The following PIEZO2 variants were observed in gnomAD, a reference collection of about 807,000 sequenced individuals.
PIEZO2 encodes the protein piezo type mechanosensitive ion channel component 2.
Under a neutral mutation model 337.3 loss-of-function variants are expected in PIEZO2, and 172 were observed. That is an observed-to-expected ratio of 0.51 (90% CI 0.45 to 0.58). The LOEUF (loss-of-function observed/expected upper bound fraction) is 0.58. PIEZO2 is among the 20% of genes least tolerant of loss of function. PIEZO2 has a pLI of 0.00. For synonymous variants in PIEZO2, 1,251 were observed against 1,228.5 expected, an observed-to-expected ratio of 1.02 and a Z score of -0.38; for missense variants, 3,028 against 3,391.3, an observed-to-expected ratio of 0.89 and a Z score of 2.66.
chr18:10,938,763 C>G (rs2032543268), intron 3 of PIEZO2, among the ~76,000 whole-genome samples: 1 of 152,166 alleles, frequency 6.6e-6, no homozygotes, highest in South Asian at 2.1e-4. Context: ...AAAGAGATAA[C>G]TAGGTAACAA....
chr18:10,811,933 A>T (rs1169561042), intron 7 of PIEZO2, among the ~76,000 whole-genome samples: 1 of 152,150 alleles, frequency 6.6e-6, no homozygotes, highest in African/African-American at 2.4e-5. Context: ...TCCCGGGTTC[A>T]CACCATTCTC....
intron 11 of PIEZO2, among the ~76,000 whole-genome samples, chr18:10,798,375 C>T (rs146368742): frequency 3.3e-5 from 5 of 152,310 alleles, no homozygotes; most frequent in Non-Finnish European, 4.4e-5. Flanking sequence ...AAATCAGTGA[C>T]TGTGCATACT....
rs2036468931 is a variant in PIEZO2, at chr18:10,724,921, C to A, written c.5029+6486G>T. 6 of 1,607,388 alleles carry A rather than the reference C, an allele frequency of 3.7e-6. No homozygotes were observed. In the Admixed American group the frequency reaches 6.7e-5, roughly 18 times the overall value. On this transcript the variant is annotated intron_variant, in intron 36 of 55. Transcript: ENST00000674853. This position sits in a 1 kb window ranked among gnomAD's most constrained non-coding sequence, Gnocchi z 5.8. ...GCGTGGCACCCTGGGACAGCCTCCACCTGGACGGCGATGGAACCCAGGTGG... is the reference window on the plus strand; with the variant it reads ...GCGTGGCACCCTGGGACAGCCTCCAACTGGACGGCGATGGAACCCAGGTGG...
In PIEZO2 at chr18:10,797,491, T is replaced by TTCTTTC; in HGVS notation, c.1404_1409dup (p.Lys469_Glu470dup). On this transcript the variant is annotated inframe_insertion, in exon 12 of 56. Transcript: ENST00000674853. The stretch of plus-strand genomic sequence containing the variant: ...CACGGCTCCTTTCTTCTTCAAATTC[T>TTCTTTC]TCTTTCTCTTCCTCTTCCTCCTCTC... The TTCTTTC allele has an allele frequency of 6.5e-7, 1 of 1,537,212 alleles. No homozygotes were observed. Among genetic ancestry groups the TTCTTTC allele is most frequent in the East Asian group, 2.4e-5 (1 of 40,886 alleles).
chr18:10,965,306 A>T (rs1568246849), intron 3 of PIEZO2, among the ~76,000 whole-genome samples: 1 of 152,028 alleles, frequency 6.6e-6, no homozygotes, highest in African/African-American at 2.4e-5. Flanking sequence ...GCCACGCTTT[A>T]TTTTTTTGTC....
intron 2 of PIEZO2, among the ~76,000 whole-genome samples, chr18:11,029,944 C>G (rs191563235): frequency 8.3e-4 from 126 of 152,260 alleles, no homozygotes; most frequent in African/African-American, 2.9e-3. Flanking sequence ...ACTGCAAGCT[C>G]TATGATTTGA....
rs180747354 is a variant in PIEZO2 at position 10,915,783 on chromosome 18, C to T, written c.287-4555G>A. On this transcript the variant is annotated intron_variant, in intron 3 of 55. Coordinates refer to ENST00000674853, the MANE Select transcript of PIEZO2 (RefSeq NM_001378183.1). ...TCATCTTGGGAACTGTGTTCTGCGTCCAGAATTGGTGGGTTCTTGGTCTCA... is the reference window on the plus strand; with the variant it reads ...TCATCTTGGGAACTGTGTTCTGCGTTCAGAATTGGTGGGTTCTTGGTCTCA... 8.1e-4 allele frequency among the ~76,000 whole-genome samples: 123 copies of T among 152,238 alleles called. 3 individuals are homozygous for T. Among genetic ancestry groups the T allele is most frequent in the Non-Finnish European group, 1.6e-3 (109 of 68,020 alleles).
intron 3 of PIEZO2, among the ~76,000 whole-genome samples, chr18:10,949,033 G>GTCC (rs2033162010): frequency 6.6e-6 from 1 of 152,128 alleles, no homozygotes. Flanking sequence ...AAATTAGAAA[G>GTCC]TCCTTAAAAG....
intron 2 of PIEZO2, among the ~76,000 whole-genome samples, chr18:11,044,791 C>T (rs1288764399): frequency 6.6e-6 from 1 of 152,106 alleles, no homozygotes; most frequent in African/African-American, 2.4e-5. Context: ...TCCTGTGAGC[C>T]TCTGGTTACA....
chr18:11,057,017 A>G (rs551545824), intron 2 of PIEZO2, among the ~76,000 whole-genome samples: 1 of 152,134 alleles, frequency 6.6e-6, no homozygotes, highest in African/African-American at 2.4e-5. Context: ...CATTGGATCA[A>G]TGGTGGGTAC....
chr18:10,947,821 G>T (rs778054990), intron 3 of PIEZO2, among the ~76,000 whole-genome samples: 4 of 152,158 alleles, frequency 2.6e-5, no homozygotes. Context: ...TAGCACAAAG[G>T]CTGGGAAGAG....
At chr18:10,875,447 C>T (rs1182931075) in intron 4 of PIEZO2, among the ~76,000 whole-genome samples, 1 of 151,834 alleles carries the variant, frequency 6.6e-6, no homozygotes, top group East Asian at 1.9e-4. Context: ...AAATGGGGAT[C>T]AAGAAAAGAG....
At position 10,775,429 on chromosome 18, in the gene PIEZO2, A is replaced by G. The variant is rs999800310; in HGVS notation, c.2535-1391T>C. Among the ~76,000 whole-genome samples the G allele has an allele frequency of 1.3e-5, 2 of 152,192 alleles. No homozygotes were observed. The highest frequency in any genetic ancestry group is 2.4e-5 in the African/African-American group (1 of 41,448). On this transcript the variant is annotated intron_variant, in intron 18 of 55. Transcript: ENST00000674853. This position sits in a 1 kb window ranked among gnomAD's most constrained non-coding sequence, Gnocchi z 4.3. The stretch of plus-strand genomic sequence containing the variant: ...CTTCAGGGATGCATTTTATAAATGA[A>G]AAGATACCTTTATTAAGACAAGGAA...
Position 10,807,433 on chromosome 18 carries a change from T to C in PIEZO2, c.918-159A>G, listed in dbSNP as rs550511385. On this transcript the variant is annotated intron_variant, in intron 7 of 55. Coordinates refer to ENST00000674853, the MANE Select transcript of PIEZO2 (RefSeq NM_001378183.1). Reference sequence around the variant, plus strand: ...TTACCCTTCTGTATACGTAATTACATATTTAAAGAATATATGTGGACATGT... The same window carrying C: ...TTACCCTTCTGTATACGTAATTACACATTTAAAGAATATATGTGGACATGT... 3.0e-4 allele frequency among the ~76,000 whole-genome samples: 45 copies of C among 152,372 alleles called. 1 individual carries two copies. In the East Asian group the frequency reaches 8.5e-3, roughly 29 times the overall value.
chr18:11,141,689 A>T (rs2040652027), intron 1 of PIEZO2, among the ~76,000 whole-genome samples: 1 of 151,976 alleles, frequency 6.6e-6, no homozygotes, highest in African/African-American at 2.4e-5. Flanking sequence ...TTGACCTAGA[A>T]CTCTTCTGAG....
rs538147051 is a variant in PIEZO2, at chr18:10,963,007, C to A, written c.286+16528G>T. Reference sequence around the variant, plus strand: ...GTCAAAATTAAATAGAAATATCTGGCCTGGTATGGTGGTTCATGCCTGTAA... The same window carrying A: ...GTCAAAATTAAATAGAAATATCTGGACTGGTATGGTGGTTCATGCCTGTAA... On this transcript the variant is annotated intron_variant, in intron 3 of 55. Transcript: ENST00000674853. Among the ~76,000 whole-genome samples the A allele has an allele frequency of 1.9e-3, 290 of 152,256 alleles. 2 individuals are homozygous for A. The highest frequency in any genetic ancestry group is 6.8e-3 in the African/African-American group (282 of 41,540).
intron 13 of PIEZO2, 72 bp from the exon 14 acceptor site, chr18:10,791,396 C>T (rs1387978956): frequency 7.2e-7 from 1 of 1,387,076 alleles, no homozygotes; most frequent in Non-Finnish European, 9.4e-7. Context: ...ACAAATGTAA[C>T]ATTTTCTCCG....
At chr18:10,787,859 G>A (rs2039277283) in intron 15 of PIEZO2, among the ~76,000 whole-genome samples, 1 of 152,158 alleles carries the variant, frequency 6.6e-6, no homozygotes, top group Non-Finnish European at 1.5e-5. Flanking sequence ...TTAAAAGTGA[G>A]TCTGTGGAGA....
chr18:10,881,553 C>T (rs1395750988), intron 4 of PIEZO2, among the ~76,000 whole-genome samples: 1 of 152,148 alleles, frequency 6.6e-6, no homozygotes, highest in Non-Finnish European at 1.5e-5. Flanking sequence ...ACTGACTCTT[C>T]CCAATTCTGT....
Sources: allele counts gnomAD v4.1 joint callset (sites outside exome capture counted in the v4.1 genomes callset), GRCh38; gene constraint gnomAD v4.1.1; non-coding constraint Gnocchi (gnomAD v3.1); transcripts MANE v1.5; gene names NCBI Gene and HGNC (gene_info 2026-07-23, HGNC 2026-07-21).